The following SHISA6 variants were observed in gnomAD, a reference collection of about 807,000 sequenced individuals.
The protein encoded by SHISA6 is protein shisa-6.
Under a neutral mutation model 47.9 loss-of-function variants are expected in SHISA6, and 22 were observed. That is an observed-to-expected ratio of 0.46 (90% CI 0.33 to 0.66). The LOEUF is 0.66. Ranked by LOEUF, SHISA6 falls within the 30% of genes least tolerant of loss-of-function variation. SHISA6 has a pLI of 0.02. For synonymous variants in SHISA6, 388 were observed against 337.8 expected (o/e 1.15, Z -1.63); for missense variants, 680 against 764.6 (o/e 0.89, Z 1.30).
intron 3 of SHISA6, among the ~76,000 whole-genome samples, chr17:11,438,716 G>C (rs893371686): frequency 5.9e-5 from 9 of 152,168 alleles, no homozygotes; most frequent in Non-Finnish European, 1.2e-4. Flanking sequence ...TGAATTTTGA[G>C]GGGGCATAAT....
At chr17:11,443,279 C>G (rs191280217) in intron 3 of SHISA6, among the ~76,000 whole-genome samples, 7 of 152,306 alleles carry the variant, frequency 4.6e-5, no homozygotes, top group African/African-American at 1.7e-4. Context: ...GCACATCCAT[C>G]CCTCTGTAAG....
chr17:11,408,081 A>C (rs1248448538), intron 3 of SHISA6, among the ~76,000 whole-genome samples: 2 of 152,212 alleles, frequency 1.3e-5, no homozygotes, highest in Non-Finnish European at 2.9e-5. Flanking sequence ...CAGAGGGAAA[A>C]GCTGGGAGCT....
chr17:11,546,082 C>G (rs2071881059), intron 3 of SHISA6, among the ~76,000 whole-genome samples: 1 of 152,166 alleles, frequency 6.6e-6, no homozygotes, highest in South Asian at 2.1e-4. Flanking sequence ...AGAAATATAA[C>G]TGTAGCCATT....
rs541656037 is a variant in SHISA6 at position 11,513,086 on chromosome 17, C to G, written c.896-38810C>G. ...AATTTTATAGTGATTGTATGAGTAC[C>G]TATTTTTCTTTCCGTTTCCCAAGAA... On this transcript the variant is annotated intron_variant, in intron 3 of 5. Coordinates refer to ENST00000441885, the MANE Select transcript of SHISA6 (RefSeq NM_207386.4). Among the ~76,000 whole-genome samples the G allele has an allele frequency of 3.9e-5, 6 of 151,918 alleles. No homozygotes were observed. The South Asian group carries it at 1.2e-3, about 32-fold the overall frequency.
chr17:11,379,164 CAT>C (rs952619229), intron 2 of SHISA6, among the ~76,000 whole-genome samples: 21 of 146,998 alleles, frequency 1.4e-4, no homozygotes, highest in African/African-American at 4.2e-4. Context: ...TATATACACA[CAT>C]ATATGTATAA....
intron 3 of SHISA6, among the ~76,000 whole-genome samples, chr17:11,426,123 G>T (rs1224694540): frequency 6.6e-6 from 1 of 152,202 alleles, no homozygotes; most frequent in Non-Finnish European, 1.5e-5. Context: ...AAAAACAAAT[G>T]TTCACCAACC....
rs897034878 is a variant in SHISA6, at chr17:11,563,221, G to A, written c.*4917G>A. 2 of 152,182 alleles carry A rather than the reference G, an allele frequency of 1.3e-5. No homozygotes were observed. The highest frequency in any genetic ancestry group is 4.8e-5 in the African/African-American group (2 of 41,438). The allele number at this position is 152,182 out of a possible 1,614,324, so 9.4% of individuals were successfully genotyped here. A position where few individuals can be genotyped will look rare whatever the true frequency, so the allele number is the denominator to read the frequency against. ...GGAACGTGTTCACAGGCTGTTGTGT[G>A]GCAATGAATGTCATGATAACCCACT... On this transcript the variant is annotated 3_prime_UTR_variant, in exon 6 of 6. Coordinates refer to ENST00000441885, the MANE Select transcript of SHISA6 (RefSeq NM_207386.4).
In SHISA6 at chr17:11,243,933, A is replaced by G. The variant is rs188402116; in HGVS notation, c.638+1873A>G. 1.6e-4 allele frequency among the ~76,000 whole-genome samples: 25 copies of G among 152,258 alleles called. No homozygotes were observed. In the East Asian group the frequency reaches 4.6e-3, roughly 28 times the overall value. On this transcript the variant is annotated intron_variant, in intron 1 of 5. Coordinates refer to ENST00000441885, the MANE Select transcript of SHISA6 (RefSeq NM_207386.4). ...CTGACCCTTCCACCTCACACAGTTT[A>G]TTCGTCATCGCCTGGGATGATACAG...
intron 2 of SHISA6, among the ~76,000 whole-genome samples, chr17:11,358,995 C>T (rs1912173072): frequency 6.6e-6 from 1 of 152,098 alleles, no homozygotes; most frequent in Admixed American, 6.5e-5. Context: ...GAATATTATT[C>T]CATGTGATGT....
chr17:11,333,234 G>A (rs563615373), intron 2 of SHISA6, among the ~76,000 whole-genome samples: 2 of 152,192 alleles, frequency 1.3e-5, no homozygotes, highest in East Asian at 1.9e-4. Context: ...CAGAGCCAGC[G>A]GGTTGAGAGT....
intron 2 of SHISA6, among the ~76,000 whole-genome samples, chr17:11,268,685 A>T (rs1226583132): frequency 6.6e-6 from 1 of 152,172 alleles, no homozygotes; most frequent in Admixed American, 6.5e-5. Flanking sequence ...TGTGTTTATT[A>T]TCTGTCACCA....
chr17:11,507,838 A>G lies in SHISA6; in HGVS notation c.896-44058A>G, dbSNP rs535222262. The stretch of plus-strand genomic sequence containing the variant: ...TTAGCACTCCCTCCGATTGCATAAC[A>G]TCCTCATCCTTTGTGTATTTCTCAT... On this transcript the variant is annotated intron_variant, in intron 3 of 5. Transcript: ENST00000441885. Among the ~76,000 whole-genome samples, 6 of 152,320 alleles carry G rather than the reference A, an allele frequency of 3.9e-5. No individual in the cohort carries two copies. The East Asian group carries it at 1.2e-3, about 29-fold the overall frequency.
chr17:11,288,244 A>G (rs545369092), intron 2 of SHISA6: 28 of 152,224 alleles, frequency 1.8e-4, no homozygotes, highest in Non-Finnish European at 3.4e-4. Flanking sequence ...TATTGCTGCA[A>G]TAGGACCTTT....
rs879267156 is a variant in SHISA6, at chr17:11,493,578, C to CGT, written c.896-58317_896-58316insTG. On this transcript the variant is annotated intron_variant, in intron 3 of 5. Transcript: ENST00000441885. ...GGTACCATGTGGATACACGCGTGCG[C>CGT]GCGCACACACACACACACATACACA... 1.3e-4 allele frequency among the ~76,000 whole-genome samples: 20 copies of CGT among 152,122 alleles called. No homozygotes were observed. In the South Asian group the frequency reaches 1.5e-3, roughly 11 times the overall value.
At chr17:11,296,697 A>G (rs1909762319) in intron 2 of SHISA6, among the ~76,000 whole-genome samples, 1 of 152,002 alleles carries the variant, frequency 6.6e-6, no homozygotes, top group Non-Finnish European at 1.5e-5. Flanking sequence ...GTCTCCTAGG[A>G]ACAGAATATT....
chr17:11,528,622 G>C (rs1264117297), intron 3 of SHISA6, among the ~76,000 whole-genome samples: 1 of 152,012 alleles, frequency 6.6e-6, no homozygotes, highest in Non-Finnish European at 1.5e-5. Flanking sequence ...CACAGACACT[G>C]GGTGGAAATA....
intron 2 of SHISA6, among the ~76,000 whole-genome samples, chr17:11,374,579 C>T (rs1024116730): frequency 7.2e-5 from 11 of 151,900 alleles, no homozygotes; most frequent in Admixed American, 6.6e-5. Context: ...AGTGAAAAGT[C>T]TGGACTTTTT....
chr17:11,313,580 G>C (rs558608011), intron 2 of SHISA6, among the ~76,000 whole-genome samples: 7 of 152,246 alleles, frequency 4.6e-5, no homozygotes, highest in African/African-American at 1.7e-4. Context: ...AGCTAAACTA[G>C]AAATTAAAAG....
intron 3 of SHISA6, among the ~76,000 whole-genome samples, chr17:11,405,122 G>A (rs369588457): frequency 2.8e-3 from 425 of 152,310 alleles, no homozygotes; most frequent in Non-Finnish European, 4.6e-3. Flanking sequence ...AAGACTTCCT[G>A]AATCATAATC....
Sources: gnomAD v4.1 joint callset for allele counts (sites outside exome capture counted in the v4.1 genomes callset) on GRCh38, gnomAD v4.1.1 for gene constraint, MANE v1.5 for transcripts, NCBI Gene and HGNC (gene_info 2026-07-23, HGNC 2026-07-21) for gene names.